The following MR1 variants were observed in gnomAD, a reference collection of about 807,000 sequenced individuals.
The protein encoded by MR1 is major histocompatibility complex class I-related protein 1.
Under a neutral mutation model 37.8 loss-of-function variants are expected in MR1, and 44 were observed. The ratio of observed to expected loss-of-function variants is 1.16; its 90% CI spans 0.91 to 1.50. MR1 has a LOEUF of 1.50. MR1 is among the 40% of genes most tolerant of loss of function. The probability of loss-of-function intolerance (pLI) is 0.00; values close to 1 mark genes in which losing one functional copy is unlikely to be tolerated. For missense variants in MR1, 386 were observed against 419.1 expected, an observed-to-expected ratio of 0.92 and a Z score of 0.69; for synonymous variants, 153 against 155.8, an observed-to-expected ratio of 0.98 and a Z score of 0.13.
chr1:181,049,119 T>C lies in MR1; in HGVS notation c.135T>C (p.Ile45=), dbSNP rs1571393607. Residue 45 remains isoleucine (I), a synonymous_variant, in exon 2 of 6, where the codon ATT becomes ATC. Coordinates refer to ENST00000367580, the MANE Select transcript of MR1 (RefSeq NM_001385161.1). The part of the protein sequence containing the change: ...SDPIHGVPEF[I]SVGYVDSHPI... ...CCATCCATGGGGTCCCTGAATTTATTTCGGTTGGGTACGTGGACTCGCACC... is the reference window on the plus strand; with the variant it reads ...CCATCCATGGGGTCCCTGAATTTATCTCGGTTGGGTACGTGGACTCGCACC... The C allele has an allele frequency of 6.2e-7, 1 of 1,614,152 alleles. No homozygotes were observed. The highest frequency in any genetic ancestry group is 8.5e-7 in the Non-Finnish European group (1 of 1,179,978).
chr1:181,049,812 A>G, intron 2 of MR1, 199 bp from the exon 3 acceptor site: 1 of 605,048 alleles, frequency 1.7e-6, no homozygotes, highest in Non-Finnish European at 2.9e-6. Context: ...TTTGACAGGC[A>G]GTAGGTACTT....
Position 181,053,602 on chromosome 1 carries a change from G to A in MR1, c.910G>A (p.Ala304Thr). 2 of 1,613,930 alleles carry A rather than the reference G, an allele frequency of 1.2e-6. No individual in the cohort carries two copies. The highest frequency in any genetic ancestry group is 1.7e-6 in the Non-Finnish European group (2 of 1,179,854). The change falls in exon 5 of 6, where the codon GCT becomes ACT. Residue 304 changes from alanine (A) to threonine (T), a missense_variant. Coordinates refer to ENST00000367580, the MANE Select transcript of MR1 (RefSeq NM_001385161.1). ...ESETIPLVMK[A>T]VSGSIVLVIV... Reference sequence around the variant, plus strand: ...AGAAACTATCCCTCTTGTGATGAAAGCTGTCTCTGGGTCCATTGTCCTTGT... The same window carrying A: ...AGAAACTATCCCTCTTGTGATGAAAACTGTCTCTGGGTCCATTGTCCTTGT...
chr1:181,051,253 AAAAC>A (rs1389122676), intron 3 of MR1: 1 of 151,564 alleles, frequency 6.6e-6, no homozygotes, highest in African/African-American at 2.4e-5. Flanking sequence ...CACTCCTAAA[AAAAC>A]AAACAAAAAA....
intron 4 of MR1, 102 bp downstream of exon 4, chr1:181,052,612 A>G: frequency 1.6e-6 from 2 of 1,285,590 alleles, no homozygotes; most frequent in East Asian, 4.8e-5. Flanking sequence ...TCACTGCCTC[A>G]CTCAGTGTGC....
Position 181,050,022 on chromosome 1 carries a change from T to C in MR1, c.340T>C (p.Tyr114His), listed in dbSNP as rs780886638. The C allele has an allele frequency of 2.7e-5, 43 of 1,612,450 alleles. No homozygotes were observed. Among genetic ancestry groups the C allele is most frequent in the Non-Finnish European group, 3.6e-5 (42 of 1,179,960 alleles). ...TGTGTGTGTTCCAGGGTCTCACACT[T>C]ACCAGAGAATGATTGGCTGTGAGCT... is the stretch of plus-strand genomic sequence containing the variant. ...RHYNHSGSHT[Y>H]QRMIGCELLE... Residue 114 changes from tyrosine (Y) to histidine (H), a missense_variant, in exon 3 of 6, where the codon TAC (tyrosine) becomes CAC (histidine). By Grantham distance (83) the Tyr-to-His change is moderately conservative. Transcript: ENST00000367580.
In MR1 at chr1:181,059,345, T is replaced by C. The variant is rs147680880; in HGVS notation, c.*4080T>C. The C allele has an allele frequency of 7.4e-3, 1,122 of 152,428 alleles. 4 individuals carry two copies. The highest frequency in any genetic ancestry group is 0.011 in the Non-Finnish European group (738 of 68,110). 9.4% of individuals were successfully genotyped at this position (152,428 alleles called of 1,614,324 possible). Reference sequence around the variant, plus strand: ...CACTCTGGCCTCCCTTTCTCCATTGTCCTTCTAGCTTCTGGTTGCCCCAAA... The same window carrying C: ...CACTCTGGCCTCCCTTTCTCCATTGCCCTTCTAGCTTCTGGTTGCCCCAAA... On this transcript the variant is annotated 3_prime_UTR_variant, in exon 6 of 6. Transcript: ENST00000367580.
intron 1 of MR1, among the ~76,000 whole-genome samples, chr1:181,048,270 T>C (rs1658031658): frequency 1.3e-5 from 2 of 150,028 alleles, no homozygotes; most frequent in South Asian, 4.2e-4. Flanking sequence ...GCGCAGTGGC[T>C]CATGCCTATA....
At chr1:181,054,058 T>C (rs1431672086) in intron 5 of MR1, among the ~76,000 whole-genome samples, 2 of 152,250 alleles carry the variant, frequency 1.3e-5, no homozygotes, top group African/African-American at 4.8e-5. Context: ...CAGTCAGTTT[T>C]CCCATTTTGA....
intron 1 of MR1, among the ~76,000 whole-genome samples, chr1:181,037,391 T>C (rs1021512087): frequency 2.6e-5 from 4 of 152,330 alleles, no homozygotes; most frequent in South Asian, 2.1e-4. Context: ...GTATATGCCA[T>C]AGAAATTTCT....
rs745791805 is a variant in MR1, at chr1:181,060,173, C to T, written c.*4908C>T. ...TTCCTTGCCTTCTGGCTGCGTAACT[C>T]TAGTCTTCATTTGGTGTTCTCCCTG... is the stretch of plus-strand genomic sequence containing the variant. On this transcript the variant is annotated 3_prime_UTR_variant, in exon 6 of 6. Coordinates refer to ENST00000367580, the MANE Select transcript of MR1 (RefSeq NM_001385161.1). 1.3e-5 allele frequency: 2 copies of T among 152,162 alleles called. No individual in the cohort carries two copies. Among genetic ancestry groups the T allele is most frequent in the African/African-American group, 2.4e-5 (1 of 41,414 alleles). The allele number at this position is 152,162 out of a possible 1,614,324, so 9.4% of individuals were successfully genotyped here.
chr1:181,041,444 C>T (rs1657548856), intron 1 of MR1, among the ~76,000 whole-genome samples: 1 of 152,242 alleles, frequency 6.6e-6, no homozygotes, highest in African/African-American at 2.4e-5. Flanking sequence ...CAGCTTAGCT[C>T]AGCAACACAG....
chr1:181,049,496 T>C, intron 2 of MR1, 184 bp downstream of exon 2: 1 of 680,598 alleles, frequency 1.5e-6, no homozygotes, highest in Non-Finnish European at 2.4e-6. Context: ...TGTCCCTCTC[T>C]CCCCCAGGAG....
At chr1:181,051,528 C>A (rs1043852265) in intron 3 of MR1, among the ~76,000 whole-genome samples, 1 of 152,012 alleles carries the variant, frequency 6.6e-6, no homozygotes, top group East Asian at 1.9e-4. Context: ...GCAGTCCCCC[C>A]CAGATAGTGC....
rs1658149633 is a variant in MR1, at chr1:181,049,313, G to C, written c.328+1G>C. On this transcript the variant is annotated splice_donor_variant, in intron 2 of 5. Transcript: ENST00000367580. LOFTEE classifies it high-confidence loss of function. ...CTACAGAGGCACTACAATCACTCAGGTGTGCATGCGGCAGAGACAGACGCT... is the reference window on the plus strand; with the variant it reads ...CTACAGAGGCACTACAATCACTCAGCTGTGCATGCGGCAGAGACAGACGCT... 1 of 1,612,212 alleles carries C rather than the reference G, an allele frequency of 6.2e-7. No homozygotes were observed. The highest frequency in any genetic ancestry group is 1.7e-5 in the Admixed American group (1 of 59,862).
chr1:181,053,013 C>T (rs1162443175), intron 4 of MR1, among the ~76,000 whole-genome samples: 5 of 151,750 alleles, frequency 3.3e-5, no homozygotes, highest in Admixed American at 2.6e-4. Context: ...TGCAGTGAGC[C>T]GAGATCGCAC....
intron 1 of MR1, among the ~76,000 whole-genome samples, chr1:181,037,453 C>G (rs914777033): frequency 6.6e-6 from 1 of 152,182 alleles, no homozygotes; most frequent in African/African-American, 2.4e-5. Context: ...GGCATTGAAT[C>G]TATCTAAACT....
chr1:181,036,244 C>G (rs1269015242), intron 1 of MR1, among the ~76,000 whole-genome samples: 1 of 152,090 alleles, frequency 6.6e-6, no homozygotes, highest in East Asian at 1.9e-4. Flanking sequence ...ATCTCTTAAG[C>G]CCTAGGGGTG....
intron 5 of MR1, 30 bp from the exon 6 acceptor site, chr1:181,055,195 T>C (rs1658547732): frequency 6.2e-7 from 1 of 1,609,578 alleles, no homozygotes; most frequent in African/African-American, 1.3e-5. Context: ...AACATTCTTG[T>C]AATCTGACTA....
At chr1:181,040,661 T>TG (rs1416613229) in intron 1 of MR1, among the ~76,000 whole-genome samples, 1 of 151,866 alleles carries the variant, frequency 6.6e-6, no homozygotes, top group Non-Finnish European at 1.5e-5. Flanking sequence ...TGGATGGGTG[T>TG]GACTGAAAAA....
Sources: allele counts gnomAD v4.1 joint callset (sites outside exome capture counted in the v4.1 genomes callset), GRCh38; gene constraint gnomAD v4.1.1; transcripts MANE v1.5; gene names NCBI Gene and HGNC (gene_info 2026-07-23, HGNC 2026-07-21).